The following TMTC1 variants were observed in gnomAD, a reference collection of about 807,000 sequenced individuals.
TMTC1 encodes protein O-mannosyl-transferase TMTC1.
TMTC1 carries 73 observed loss-of-function variants against 104.8 expected under a neutral mutation model. The ratio of observed to expected loss-of-function variants is 0.70; its 90% CI spans 0.58 to 0.85. The LOEUF is 0.85. TMTC1 is among the 40% of genes least tolerant of loss of function. The pLI, the probability that TMTC1 is intolerant of heterozygous loss-of-function variation, is 0.00. For synonymous variants in TMTC1, 434 were observed against 428.7 expected, an observed-to-expected ratio of 1.01 and a Z score of -0.15; for missense variants, 1,035 against 1,096.1, an observed-to-expected ratio of 0.94 and a Z score of 0.79.
intron 10 of TMTC1, among the ~76,000 whole-genome samples, chr12:29,540,053 C>T: frequency 6.6e-6 from 1 of 152,114 alleles, no homozygotes; most frequent in East Asian, 1.9e-4. Flanking sequence ...TCTGATATTT[C>T]AGTTTTTTTT....
chr12:29,516,935 G>A (rs866917311), intron 14 of TMTC1, among the ~76,000 whole-genome samples: 4 of 152,158 alleles, frequency 2.6e-5, no homozygotes, highest in Non-Finnish European at 5.9e-5. Context: ...ATACACTGTG[G>A]TTATGTTAGA....
rs1231710738 is a variant in TMTC1, at chr12:29,501,430, T to C, written c.*5416A>G. The C allele has an allele frequency of 6.6e-6, 1 of 152,172 alleles. No individual in the cohort carries two copies. The allele number at this position is 152,172 out of a possible 1,614,324, so 9.4% of individuals were successfully genotyped here. A position where few individuals can be genotyped will look rare whatever the true frequency, so the allele number is the denominator to read the frequency against. On this transcript the variant is annotated 3_prime_UTR_variant, in exon 18 of 18. Transcript: ENST00000539277. ...AACATCAAACCGACGAGTCCTTTCA[T>C]GGGTGGTAAACATGACTGGGAGACA...
At chr12:29,583,323 C>A in intron 8 of TMTC1, 84 bp downstream of exon 8, 2 of 1,325,756 alleles carry the variant, frequency 1.5e-6, no homozygotes, top group East Asian at 2.5e-5. Flanking sequence ...TACTGCCAGG[C>A]CCATGTTACC....
At chr12:29,722,985 T>G in intron 5 of TMTC1, among the ~76,000 whole-genome samples, 1 of 150,950 alleles carries the variant, frequency 6.6e-6, no homozygotes, top group South Asian at 2.1e-4. Context: ...GCAATGTTGC[T>G]AAATAAAAAA....
At chr12:29,714,043 AG>A (rs1379024346) in intron 5 of TMTC1, among the ~76,000 whole-genome samples, 1 of 152,198 alleles carries the variant, frequency 6.6e-6, no homozygotes, top group East Asian at 1.9e-4. Context: ...CCAAGGTAGA[AG>A]CAGAAAGACC....
intron 9 of TMTC1, 41 bp from the exon 10 acceptor site, chr12:29,557,041 T>A (rs774392795): frequency 6.2e-7 from 1 of 1,605,398 alleles, no homozygotes; most frequent in South Asian, 1.1e-5. Context: ...GTTCAAAAAC[T>A]TCTAAGTTGG....
rs547883606 is a variant in TMTC1 at position 29,619,539 on chromosome 12, C to G, written c.1128+13608G>C. On this transcript the variant is annotated intron_variant, in intron 6 of 17. Coordinates refer to ENST00000539277, the MANE Select transcript of TMTC1 (RefSeq NM_001193451.2). Reference sequence around the variant, plus strand: ...ATTTCTAGTGTCCACGTTGTTCCAACCCCTGATACTGAGGGGAATGGAGAA... The same window carrying G: ...ATTTCTAGTGTCCACGTTGTTCCAAGCCCTGATACTGAGGGGAATGGAGAA... Among the ~76,000 whole-genome samples, 3 of 152,320 alleles carry G rather than the reference C, an allele frequency of 2.0e-5. No individual in the cohort carries two copies. In the South Asian group the frequency reaches 6.2e-4, roughly 32 times the overall value.
At chr12:29,741,535 C>T (rs1942826045) in intron 5 of TMTC1, among the ~76,000 whole-genome samples, 1 of 152,248 alleles carries the variant, frequency 6.6e-6, no homozygotes, top group South Asian at 2.1e-4. Flanking sequence ...GTAATTGGCC[C>T]AAGGGACATC....
At chr12:29,563,720 G>A (rs569611480) in intron 9 of TMTC1, among the ~76,000 whole-genome samples, 5 of 152,266 alleles carry the variant, frequency 3.3e-5, no homozygotes, top group South Asian at 2.1e-4. Flanking sequence ...CATTATGTTC[G>A]TCCAGACTTT....
At chr12:29,762,127 C>T (rs541899909) in intron 2 of TMTC1, among the ~76,000 whole-genome samples, 1 of 152,150 alleles carries the variant, frequency 6.6e-6, no homozygotes, top group East Asian at 1.9e-4. Flanking sequence ...TGCAGTGAGC[C>T]GAGATCACAT....
In TMTC1 at chr12:29,633,302, C is replaced by A. The variant is rs371342443; in HGVS notation, c.973G>T (p.Val325Leu). Residue 325 changes from valine (V) to leucine (L), a missense_variant, in exon 6 of 18, where the codon GTG (valine) becomes TTG (leucine). Transcript: ENST00000539277. ...GTCACGGGTGCAAGCAGAAGCCACA[C>A]ATTGAAGGCCAAGAGGTAGGAATAG... Reference protein sequence around the residue: ...LTYSYLLAFNVWLLLAPVTLC... With the variant: ...LTYSYLLAFNLWLLLAPVTLC... The A allele has an allele frequency of 4.3e-6, 7 of 1,613,416 alleles. No homozygotes were observed. In the African/African-American group the frequency reaches 5.3e-5, roughly 12 times the overall value.
In TMTC1 at chr12:29,504,118, C is replaced by A. The variant is rs897752273; in HGVS notation, c.*2728G>T. ...AAAAAATAAATAAGAAAAAATCAAA[C>A]AGACATTCAACTGAGCTCGGGGTGC... On this transcript the variant is annotated 3_prime_UTR_variant, in exon 18 of 18. Coordinates refer to ENST00000539277, the MANE Select transcript of TMTC1 (RefSeq NM_001193451.2). 9.9e-5 allele frequency: 15 copies of A among 151,820 alleles called. 1 individual carries two copies. The highest frequency in any genetic ancestry group is 3.6e-4 in the African/African-American group (15 of 41,416). The allele number at this position is 151,820 out of a possible 1,614,324, so 9.4% of individuals were successfully genotyped here. A position where few individuals can be genotyped will look rare whatever the true frequency, so the allele number is the denominator to read the frequency against.
intron 8 of TMTC1, among the ~76,000 whole-genome samples, chr12:29,580,526 C>A (rs746411412): frequency 2.6e-5 from 4 of 152,014 alleles, no homozygotes; most frequent in Non-Finnish European, 4.4e-5. Context: ...AATGGTCAGG[C>A]AAAATCATCC....
chr12:29,742,747 A>G (rs1416569422), intron 5 of TMTC1, among the ~76,000 whole-genome samples: 1 of 152,226 alleles, frequency 6.6e-6, no homozygotes, highest in Non-Finnish European at 1.5e-5. Context: ...TTCATCAGTT[A>G]AGAATTAAGT....
intron 10 of TMTC1, among the ~76,000 whole-genome samples, chr12:29,540,277 T>C (rs1944760149): frequency 6.6e-6 from 1 of 152,224 alleles, no homozygotes; most frequent in South Asian, 2.1e-4. Context: ...CCTAAACATT[T>C]ACTCTCTGCC....
chr12:29,648,285 C>A (rs747227194), intron 5 of TMTC1, among the ~76,000 whole-genome samples: 1 of 152,178 alleles, frequency 6.6e-6, no homozygotes, highest in South Asian at 2.1e-4. Context: ...GGTTTGACAA[C>A]CTAGCTGAGA....
chr12:29,532,155 G>A (rs1944523087), intron 11 of TMTC1, among the ~76,000 whole-genome samples: 1 of 152,002 alleles, frequency 6.6e-6, no homozygotes, highest in Non-Finnish European at 1.5e-5. Context: ...TAAAGTCCTA[G>A]GTCTATTTTT....
chr12:29,615,954 T>A (rs555160026), intron 6 of TMTC1, among the ~76,000 whole-genome samples: 1 of 152,166 alleles, frequency 6.6e-6, no homozygotes, highest in Admixed American at 6.5e-5. Context: ...TATATCAAAG[T>A]TGATACTTCC....
At chr12:29,781,265 C>T (rs1943829683) in intron 1 of TMTC1, among the ~76,000 whole-genome samples, 1 of 152,186 alleles carries the variant, frequency 6.6e-6, no homozygotes, top group South Asian at 2.1e-4. Context: ...AGATTTGCAA[C>T]TCAATCTTCT....
Sources: gnomAD v4.1 joint callset for allele counts (sites outside exome capture counted in the v4.1 genomes callset) on GRCh38, gnomAD v4.1.1 for gene constraint, MANE v1.5 for transcripts, NCBI Gene and HGNC (gene_info 2026-07-23, HGNC 2026-07-21) for gene names.